TSHZ3: variants seen among roughly 807,000 people sequenced by gnomAD.
TSHZ3 encodes teashirt homolog 3.
In TSHZ3, 10 loss-of-function variants were observed where a neutral mutation model predicts 64.5. The observed-to-expected ratio is 0.16, with a 90% confidence interval of 0.10 to 0.26. TSHZ3 has a LOEUF of 0.26. Ranked by LOEUF, TSHZ3 falls within the 10% of genes least tolerant of loss-of-function variation. TSHZ3 has a pLI of 1.00. For synonymous variants in TSHZ3, 608 were observed against 593.1 expected (o/e 1.03, Z -0.36); for missense variants, 1,242 against 1,421.7 (o/e 0.87, Z 2.03).
chr19:31,310,340 T>A (rs996793620), intron 1 of TSHZ3, among the ~76,000 whole-genome samples: 1 of 152,058 alleles, frequency 6.6e-6, no homozygotes, highest in Admixed American at 6.5e-5. Context: ...TCTTCCTTCA[T>A]CTTCCTAGGA....
intron 1 of TSHZ3, among the ~76,000 whole-genome samples, chr19:31,338,840 T>C (rs965343989): frequency 7.0e-6 from 1 of 143,782 alleles, no homozygotes; most frequent in African/African-American, 2.6e-5. Flanking sequence ...TCTTTCTTTC[T>C]TTTTTCTTTT....
At chr19:31,188,295 C>A (rs908584543) in intron 5 of TSHZ3, among the ~76,000 whole-genome samples, 5 of 151,832 alleles carry the variant, frequency 3.3e-5, no homozygotes, top group Non-Finnish European at 7.4e-5. Flanking sequence ...GGATTTTCTA[C>A]ATGTACAATT....
chr19:31,348,561 G>C (rs1013016802), intron 1 of TSHZ3, among the ~76,000 whole-genome samples: 2 of 151,894 alleles, frequency 1.3e-5, no homozygotes, highest in African/African-American at 4.8e-5. Context: ...GCAGTACAAG[G>C]AGGGGGTGGG....
At chr19:31,340,707 A>G (rs1045679018) in intron 1 of TSHZ3, among the ~76,000 whole-genome samples, 3 of 152,228 alleles carry the variant, frequency 2.0e-5, no homozygotes, top group African/African-American at 7.2e-5. Flanking sequence ...AGGAGTCACT[A>G]CCGGGAGGAC....
intron 5 of TSHZ3, among the ~76,000 whole-genome samples, chr19:31,181,842 G>A (rs928000994): frequency 2.6e-5 from 4 of 152,062 alleles, no homozygotes; most frequent in East Asian, 3.9e-4. Flanking sequence ...TTGCCACCTC[G>A]TTGTGGATGC....
chr19:31,156,690 G>A (rs1040492755), intron 5 of TSHZ3, among the ~76,000 whole-genome samples: 2 of 152,132 alleles, frequency 1.3e-5, no homozygotes, highest in African/African-American at 4.8e-5. Flanking sequence ...CAGTATCAAA[G>A]CCAAGTGGTT....
At chr19:31,266,192 A>C (rs1976051885) in intron 1 of TSHZ3, among the ~76,000 whole-genome samples, 1 of 152,058 alleles carries the variant, frequency 6.6e-6, no homozygotes, top group Non-Finnish European at 1.5e-5. Flanking sequence ...GCTTGCATCC[A>C]CTTTCTCCTG....
intron 1 of TSHZ3, among the ~76,000 whole-genome samples, chr19:31,302,963 T>C (rs2145145031): frequency 6.6e-6 from 1 of 152,310 alleles, no homozygotes. Context: ...CTAGATTACA[T>C]GTACATGTAT....
intron 1 of TSHZ3, among the ~76,000 whole-genome samples, chr19:31,265,397 C>CAAAA (rs11432951): frequency 2.4e-3 from 80 of 33,972 alleles, no homozygotes; most frequent in South Asian, 5.0e-3. Context: ...AACTCTGTCT[C>CAAAA]AAAAAAAAAA....
chr19:31,228,743 A>C (rs1339779173), intron 3 of TSHZ3, among the ~76,000 whole-genome samples: 2 of 152,120 alleles, frequency 1.3e-5, no homozygotes, highest in Non-Finnish European at 2.9e-5. Flanking sequence ...AAAAATCTCT[A>C]CCAATGCTGC....
At chr19:31,164,495 G>A (rs950424799) in intron 5 of TSHZ3, among the ~76,000 whole-genome samples, 1 of 152,176 alleles carries the variant, frequency 6.6e-6, no homozygotes, top group Non-Finnish European at 1.5e-5. Context: ...TTGGCACAGA[G>A]CACACACTCC....
intron 1 of TSHZ3, among the ~76,000 whole-genome samples, chr19:31,307,810 T>C (rs1450077333): frequency 6.6e-6 from 1 of 152,226 alleles, no homozygotes. Context: ...ATTTCTGTTT[T>C]AGATTTGGTT....
chr19:31,226,301 G>A (rs755267081), intron 4 of TSHZ3, among the ~76,000 whole-genome samples: 15 of 151,950 alleles, frequency 9.9e-5, no homozygotes, highest in South Asian at 2.1e-4. Context: ...TAATTCCCAC[G>A]TGTTGTGGGA....
intron 1 of TSHZ3, among the ~76,000 whole-genome samples, chr19:31,317,054 G>T (rs114808993): frequency 2.1e-3 from 315 of 152,284 alleles, no homozygotes; most frequent in African/African-American, 7.3e-3. Context: ...TTACAACAAA[G>T]AAAGGACCAC....
intron 1 of TSHZ3, among the ~76,000 whole-genome samples, chr19:31,290,345 G>C (rs1434655509): frequency 6.6e-6 from 1 of 152,160 alleles, no homozygotes; most frequent in Non-Finnish European, 1.5e-5. Context: ...GGGGCTCAAA[G>C]CAACAGTGTG....
chr19:31,247,867 TG>T lies in TSHZ3; in HGVS notation n.64-4993del, dbSNP rs201917994. On this transcript the variant is annotated intron_variant and non_coding_transcript_variant, in intron 1 of 6. Transcript: ENST00000651361. ...TACACACAATTACAGTGTGTGTGTG[TG>T]TGTGTATGTATGTATGTATTAGTCT... 5.3e-3 allele frequency among the ~76,000 whole-genome samples: 811 copies of T among 152,198 alleles called. 4 individuals are homozygous for T. Among genetic ancestry groups the T allele is most frequent in the African/African-American group, 0.018 (766 of 41,518 alleles).
At chr19:31,303,716 G>C (rs1309278315) in intron 1 of TSHZ3, among the ~76,000 whole-genome samples, 1 of 152,182 alleles carries the variant, frequency 6.6e-6, no homozygotes, top group Non-Finnish European at 1.5e-5. Context: ...AAGCCCACAA[G>C]TGACAAAGGG....
chr19:31,303,015 T>TAA (rs1263636080), intron 1 of TSHZ3, among the ~76,000 whole-genome samples: 1 of 152,204 alleles, frequency 6.6e-6, no homozygotes, highest in Non-Finnish European at 1.5e-5. Context: ...CATAAATGCA[T>TAA]AAACACACGC....
chr19:31,248,918 C>T (rs1975795770), intron 1 of TSHZ3, among the ~76,000 whole-genome samples: 1 of 151,840 alleles, frequency 6.6e-6, no homozygotes, highest in South Asian at 2.1e-4. Context: ...TAAAACAGGA[C>T]TATTAATCCT....
Sources: allele counts gnomAD v4.1 joint callset (sites outside exome capture counted in the v4.1 genomes callset), GRCh38; gene constraint gnomAD v4.1.1; transcripts MANE v1.5; gene names NCBI Gene and HGNC (gene_info 2026-07-23, HGNC 2026-07-21).